Variants in CCDC102B observed in about 807,000 individuals in gnomAD.
CCDC102B encodes coiled-coil domain-containing protein 102B.
Under a neutral mutation model 57.4 loss-of-function variants are expected in CCDC102B, and 75 were observed. The ratio of observed to expected loss-of-function variants is 1.31; its 90% CI spans 1.08 to 1.58. The LOEUF (loss-of-function observed/expected upper bound fraction) is 1.58. CCDC102B is among the 40% of genes most tolerant of loss of function. The pLI is 0.00. For synonymous variants in CCDC102B, 206 were observed against 201.9 expected (o/e 1.02, Z -0.17); for missense variants, 636 against 582.6 (o/e 1.09, Z -0.94).
intron 2 of CCDC102B, among the ~76,000 whole-genome samples, chr18:68,791,687 A>G (rs1418866570): frequency 6.6e-6 from 1 of 151,992 alleles, no homozygotes; most frequent in Non-Finnish European, 1.5e-5. Context: ...AGTAAGCTAA[A>G]CTTTCAAAAT....
intron 2 of CCDC102B, among the ~76,000 whole-genome samples, chr18:68,726,894 C>T (rs1454876005): frequency 6.6e-6 from 1 of 152,012 alleles, no homozygotes; most frequent in Non-Finnish European, 1.5e-5. Context: ...AATCTAGGAC[C>T]CTGTAAAGAC....
rs193260216 is a variant in CCDC102B at position 68,755,393 on chromosome 18, A to C, written c.-67+38799A>C. Among the ~76,000 whole-genome samples the C allele has an allele frequency of 1.1e-3, 164 of 152,280 alleles. 1 individual carries two copies. Among genetic ancestry groups the C allele is most frequent in the African/African-American group, 3.9e-3 (162 of 41,562 alleles). ...GCAGGCTCAAGCACTGAAAAGTTGTAATGGAAGAGAGAACAACCATGGAAT... is the reference window on the plus strand; with the variant it reads ...GCAGGCTCAAGCACTGAAAAGTTGTCATGGAAGAGAGAACAACCATGGAAT... On this transcript the variant is annotated intron_variant, in intron 2 of 3. Transcript: ENST00000578970.
chr18:68,974,580 T>C (rs1225107976), intron 6 of CCDC102B, among the ~76,000 whole-genome samples: 1 of 151,986 alleles, frequency 6.6e-6, no homozygotes, highest in Non-Finnish European at 1.5e-5. Flanking sequence ...AATTCCTTAA[T>C]CATATAATGA....
At chr18:69,053,528 G>A (rs1475143565) in intron 7 of CCDC102B, among the ~76,000 whole-genome samples, 1 of 151,626 alleles carries the variant, frequency 6.6e-6, no homozygotes, top group African/African-American at 2.4e-5. Context: ...GTTTATTACT[G>A]AATATGTACA....
At chr18:68,951,012 T>C (rs1028295392) in intron 6 of CCDC102B, among the ~76,000 whole-genome samples, 5 of 152,132 alleles carry the variant, frequency 3.3e-5, no homozygotes, top group Admixed American at 6.6e-5. Context: ...TGGGACAGAG[T>C]TAACAATCTC....
At chr18:68,866,894 T>C in intron 4 of CCDC102B, 1 of 630,494 alleles carries the variant, frequency 1.6e-6, no homozygotes, top group South Asian at 1.5e-5. Context: ...CCCTCTCATG[T>C]ATCACACCTG....
chr18:68,817,947 G>C (rs1488628839), intron 1 of CCDC102B, among the ~76,000 whole-genome samples: 1 of 152,088 alleles, frequency 6.6e-6, no homozygotes, highest in African/African-American at 2.4e-5. Context: ...CTAGAATTTT[G>C]TGATATATTC....
chr18:69,057,585 A>C (rs2145512683), downstream of CCDC102B, among the ~76,000 whole-genome samples: 1 of 152,132 alleles, frequency 6.6e-6, no homozygotes, highest in Non-Finnish European at 1.5e-5. Flanking sequence ...TACTTCCCTC[A>C]GATTCAAATG....
At chr18:68,873,333 C>T (rs17079817) in intron 4 of CCDC102B, among the ~76,000 whole-genome samples, 47,262 of 151,926 alleles carry the variant, frequency 0.31, 7,758 homozygotes, top group South Asian at 0.41. Context: ...ATTATTGTAG[C>T]TGATTTCTAG....
chr18:68,740,705 A>G (rs9963985), intron 2 of CCDC102B, among the ~76,000 whole-genome samples: 17,643 of 152,160 alleles, frequency 0.12, 1,181 homozygotes, highest in African/African-American at 0.18. Flanking sequence ...GGACGGGTAC[A>G]TCTGTCTACA....
downstream of CCDC102B, among the ~76,000 whole-genome samples, chr18:69,057,668 C>T (rs1326314918): frequency 6.6e-6 from 1 of 151,978 alleles, no homozygotes; most frequent in African/African-American, 2.4e-5. Context: ...ATGGAAGTAG[C>T]CACGTGCATG....
chr18:68,870,441 A>C (rs533275539), intron 4 of CCDC102B, among the ~76,000 whole-genome samples: 2 of 152,348 alleles, frequency 1.3e-5, no homozygotes, highest in African/African-American at 4.8e-5. Flanking sequence ...GAAAGTATCG[A>C]GCAATTAAAT....
chr18:69,007,910 T>C (rs1462145272), intron 6 of CCDC102B, among the ~76,000 whole-genome samples: 1 of 152,222 alleles, frequency 6.6e-6, no homozygotes, highest in Non-Finnish European at 1.5e-5. Context: ...TCTTTCCTTG[T>C]ATGAACACTG....
In CCDC102B at chr18:68,837,226, A is replaced by C. The variant is rs2037421743; in HGVS notation, c.463A>C (p.Thr155Pro). 1 of 1,614,062 alleles carries C rather than the reference A, an allele frequency of 6.2e-7. No individual in the cohort carries two copies. Among genetic ancestry groups the C allele is most frequent in the African/African-American group, 1.3e-5 (1 of 74,932 alleles). ...PQKEALEAKVTQDLKLPGFVE... is the reference protein window; with the variant it reads ...PQKEALEAKVPQDLKLPGFVE... The stretch of plus-strand genomic sequence containing the variant: ...GAAGGAGGCATTAGAAGCTAAAGTT[A>C]CCCAGGATCTGAAGCTTCCTGGCTT... The change falls in exon 2 of 8, where the codon ACC (threonine) becomes CCC (proline). Residue 155 changes from threonine (T) to proline (P), a missense_variant. Transcript: ENST00000360242.
intron 6 of CCDC102B, among the ~76,000 whole-genome samples, chr18:68,980,645 A>G (rs1355001579): frequency 6.6e-6 from 1 of 152,068 alleles, no homozygotes; most frequent in Non-Finnish European, 1.5e-5. Flanking sequence ...AACCTGAGCA[A>G]AGATTGGTAG....
At chr18:69,043,278 T>C (rs1423918490) in intron 7 of CCDC102B, among the ~76,000 whole-genome samples, 1 of 152,050 alleles carries the variant, frequency 6.6e-6, no homozygotes, top group African/African-American at 2.4e-5. Flanking sequence ...GAACGTACAA[T>C]TGGGTTTTAT....
rs560399399 is a variant in CCDC102B, at chr18:68,839,792, T to C, written c.827+866T>C. Among the ~76,000 whole-genome samples the C allele has an allele frequency of 3.9e-5, 6 of 152,196 alleles. No individual in the cohort carries two copies. In the South Asian group the frequency reaches 1.2e-3, roughly 32 times the overall value. The stretch of plus-strand genomic sequence containing the variant: ...GGGGCTAGGTTGCAAGTGAACATCT[T>C]AAGAACACAGAGAGAAGAAAACGCC... On this transcript the variant is annotated intron_variant, in intron 3 of 7. Coordinates refer to ENST00000360242, the MANE Select transcript of CCDC102B (RefSeq NM_024781.3).
At chr18:68,906,516 T>A (rs2040650057) in intron 6 of CCDC102B, among the ~76,000 whole-genome samples, 1 of 152,188 alleles carries the variant, frequency 6.6e-6, no homozygotes, top group African/African-American at 2.4e-5. Context: ...TGTTTTGTTT[T>A]TTATTTTTGA....
chr18:68,814,701 T>A (rs1342164085), intron 1 of CCDC102B, among the ~76,000 whole-genome samples: 1 of 152,098 alleles, frequency 6.6e-6, no homozygotes. Flanking sequence ...TTAGAAATAA[T>A]ATCGATAAGA....
Sources: allele counts gnomAD v4.1 joint callset (sites outside exome capture counted in the v4.1 genomes callset), GRCh38; gene constraint gnomAD v4.1.1; transcripts MANE v1.5; gene names NCBI Gene and HGNC (gene_info 2026-07-23, HGNC 2026-07-21).